RIPOR2: variants seen among roughly 807,000 people sequenced by gnomAD.
RIPOR2 encodes RHO family interacting cell polarization regulator 2, also known as rho family-interacting cell polarization regulator 2.
A neutral mutation model predicts 114.5 loss-of-function variants in RIPOR2; 39 were observed. The ratio of observed to expected loss-of-function variants is 0.34; its 90% confidence interval spans 0.26 to 0.44. RIPOR2 has a LOEUF of 0.44. Among genes scored for constraint, RIPOR2 ranks in the 20% least tolerant of loss-of-function variants. RIPOR2 has a pLI of 1.00. For missense variants in RIPOR2, 1,007 were observed against 1,255.1 expected, an observed-to-expected ratio of 0.80 and a Z score of 2.99; for synonymous variants, 445 against 484.4, an observed-to-expected ratio of 0.92 and a Z score of 1.07.
At chr6:24,991,054 A>T (rs1368732873) in intron 1 of RIPOR2, among the ~76,000 whole-genome samples, 1 of 152,208 alleles carries the variant, frequency 6.6e-6, no homozygotes, top group Non-Finnish European at 1.5e-5. Context: ...TCAATAGTCT[A>T]ATCAATGAGC....
intron 13 of RIPOR2, 137 bp from the exon 14 acceptor site, chr6:24,839,409 T>C (rs1761417797): frequency 7.0e-7 from 1 of 1,430,876 alleles, no homozygotes; most frequent in Non-Finnish European, 9.3e-7. Flanking sequence ...AAAAAATGCA[T>C]TTAAAAATCT....
chr6:25,011,713 C>G (rs1402198148), intron 1 of RIPOR2, among the ~76,000 whole-genome samples: 1 of 152,144 alleles, frequency 6.6e-6, no homozygotes, highest in Non-Finnish European at 1.5e-5. Context: ...CTGTCTCACA[C>G]CGTAGATAAA....
intron 1 of RIPOR2, among the ~76,000 whole-genome samples, chr6:24,983,135 A>G (rs907365552): frequency 6.6e-6 from 1 of 151,748 alleles, no homozygotes; most frequent in Non-Finnish European, 1.5e-5. Context: ...ACTTGGCCCA[A>G]ATAAACTCTC....
At chr6:24,889,323 G>A (rs1767109772) in intron 1 of RIPOR2, among the ~76,000 whole-genome samples, 1 of 152,140 alleles carries the variant, frequency 6.6e-6, no homozygotes, top group Non-Finnish European at 1.5e-5. Context: ...TTCTGTGGTT[G>A]CATTTTTGAA....
intron 1 of RIPOR2, among the ~76,000 whole-genome samples, chr6:24,913,550 C>T (rs948779719): frequency 2.0e-5 from 3 of 152,140 alleles, no homozygotes; most frequent in African/African-American, 7.2e-5. Flanking sequence ...TAAACAACCA[C>T]GACACACTGT....
intron 1 of RIPOR2, among the ~76,000 whole-genome samples, chr6:25,031,773 ATATTC>A (rs1422137938): frequency 7.9e-6 from 1 of 127,366 alleles, no homozygotes; most frequent in Non-Finnish European, 1.6e-5. Flanking sequence ...GAATATATAT[ATATTC>A]TATGGATATC....
chr6:24,865,450 C>T lies in RIPOR2; in HGVS notation c.502G>A (p.Val168Ile). The change falls in exon 7 of 22, where the codon GTA becomes ATA. Residue 168 changes from valine (V) to isoleucine (I), a missense_variant and splice_region_variant. Coordinates refer to ENST00000643898, the MANE Select transcript of RIPOR2 (RefSeq NM_001286445.3). ...MRRLEFHISK[V>I]DELYEAYCIQ... is the part of the protein sequence containing the mutation. Reference sequence around the variant, plus strand: ...CAATAAGCTTCATAGAGTTCATCTACCTGCCAGAATCAAAACAGGAAACAG... The same window carrying T: ...CAATAAGCTTCATAGAGTTCATCTATCTGCCAGAATCAAAACAGGAAACAG... The T allele has an allele frequency of 6.2e-7, 1 of 1,602,030 alleles. No homozygotes were observed. Among genetic ancestry groups the T allele is most frequent in the Non-Finnish European group, 8.5e-7 (1 of 1,172,916 alleles).
chr6:24,856,904 C>T (rs915278565), intron 8 of RIPOR2, among the ~76,000 whole-genome samples: 2 of 150,688 alleles, frequency 1.3e-5, no homozygotes, highest in African/African-American at 2.4e-5. Context: ...AGGTGTTTTT[C>T]CCCCCCCTTT....
At chr6:24,951,140 C>A (rs1772730845) in intron 1 of RIPOR2, among the ~76,000 whole-genome samples, 1 of 152,152 alleles carries the variant, frequency 6.6e-6, no homozygotes. Context: ...TAGAATGACA[C>A]CTGAGAGAGT....
intron 1 of RIPOR2, among the ~76,000 whole-genome samples, chr6:25,036,024 A>AT (rs1426342185): frequency 6.6e-6 from 1 of 152,038 alleles, no homozygotes. Context: ...GGCAGACAGG[A>AT]GAGCCCTCCT....
chr6:24,898,085 G>A (rs1235391173), intron 1 of RIPOR2, among the ~76,000 whole-genome samples: 1 of 151,928 alleles, frequency 6.6e-6, no homozygotes, highest in Admixed American at 6.6e-5. Flanking sequence ...AAGCAAGGAA[G>A]GAAGGAAACA....
chr6:24,981,508 A>C (rs1471113114), intron 1 of RIPOR2, among the ~76,000 whole-genome samples: 1 of 152,180 alleles, frequency 6.6e-6, no homozygotes, highest in Non-Finnish European at 1.5e-5. Context: ...GCATCTGATT[A>C]TGCTAGCCAG....
chr6:24,992,962 C>T (rs754772282), intron 1 of RIPOR2, among the ~76,000 whole-genome samples: 1 of 152,120 alleles, frequency 6.6e-6, no homozygotes, highest in Non-Finnish European at 1.5e-5. Flanking sequence ...AGGGAATGGC[C>T]TTTATTGTAA....
chr6:24,906,406 T>A lies in RIPOR2; in HGVS notation c.61+29432A>T, dbSNP rs1581766377. ...TCTTAGAATAGGCACATGAATGAAA[T>A]CTTCATTGACTACTCCAATCACAGC... is the stretch of plus-strand genomic sequence containing the variant. On this transcript the variant is annotated intron_variant, in intron 1 of 21. Coordinates refer to ENST00000643898, the MANE Select transcript of RIPOR2 (RefSeq NM_001286445.3). Among the ~76,000 whole-genome samples, 4 of 152,302 alleles carry A rather than the reference T, an allele frequency of 2.6e-5. No homozygotes were observed. In the Middle Eastern group the frequency reaches 0.014, roughly 518 times the overall value.
At chr6:25,042,040 C>A (rs1005541168), upstream of RIPOR2, 14 of 495,678 alleles carry the variant, frequency 2.8e-5, no homozygotes, top group East Asian at 6.5e-5. Context: ...CTTAACCCCC[C>A]CCTTTTTGTT....
intron 1 of RIPOR2, among the ~76,000 whole-genome samples, chr6:25,004,495 C>G: frequency 6.6e-6 from 1 of 152,130 alleles, no homozygotes; most frequent in East Asian, 1.9e-4. Context: ...TCCACCTTGT[C>G]GCCTCCTCTC....
At chr6:24,966,105 G>A (rs1406861709) in intron 1 of RIPOR2, among the ~76,000 whole-genome samples, 1 of 152,102 alleles carries the variant, frequency 6.6e-6, no homozygotes, top group East Asian at 1.9e-4. Context: ...TCCTCCTTTG[G>A]CTCTGGTACA....
chr6:25,040,688 G>A (rs1017436870), intron 1 of RIPOR2, among the ~76,000 whole-genome samples: 1 of 150,950 alleles, frequency 6.6e-6, no homozygotes, highest in Non-Finnish European at 1.5e-5. Flanking sequence ...CACCTCCTGG[G>A]TTCAAGTGAT....
intron 19 of RIPOR2, among the ~76,000 whole-genome samples, chr6:24,824,997 T>C (rs531232973): frequency 2.2e-4 from 33 of 152,354 alleles, no homozygotes; most frequent in Admixed American, 1.0e-3. Flanking sequence ...TTAGCATATA[T>C]ATAGATACAA....
Sources: allele counts gnomAD v4.1 joint callset (sites outside exome capture counted in the v4.1 genomes callset), GRCh38; gene constraint gnomAD v4.1.1; transcripts MANE v1.5; gene names NCBI Gene and HGNC (gene_info 2026-07-23, HGNC 2026-07-21).